The following DLC1 variants were observed in gnomAD, a reference collection of about 807,000 sequenced individuals.
DLC1 encodes DLC1 Rho GTPase activating protein.
DLC1 carries 54 observed loss-of-function variants against 140.3 expected under a neutral mutation model. That is an observed-to-expected ratio of 0.38 (90% CI 0.31 to 0.48). The LOEUF is 0.48. Ranked by LOEUF, DLC1 falls within the 20% of genes least tolerant of loss-of-function variation. The probability of loss-of-function intolerance (pLI) is 0.96; values close to 1 mark genes in which losing one functional copy is unlikely to be tolerated. For synonymous variants in DLC1, 986 were observed against 728.1 expected, an observed-to-expected ratio of 1.35 and a Z score of -5.70; for missense variants, 2,536 against 1,907.0, an observed-to-expected ratio of 1.33 and a Z score of -6.14.
At position 13,572,758 on chromosome 8, in the gene DLC1, C is replaced by T. The variant is rs115741710; in HGVS notation, c.-126+31779G>A. Among the ~76,000 whole-genome samples, 502 of 152,200 alleles carry T rather than the reference C, an allele frequency of 3.3e-3. 3 individuals are homozygous for T. The highest frequency in any genetic ancestry group is 0.011 in the African/African-American group (467 of 41,534). ...TCTGTTCTTTCCCCCATTGAATGGT[C>T]TTAGCACCCTTGTGAAAAATCAGTT... is the stretch of plus-strand genomic sequence containing the variant. On this transcript the variant is annotated intron_variant, in intron 1 of 1. Transcript: ENST00000631382.
intron 5 of DLC1, among the ~76,000 whole-genome samples, chr8:13,239,085 G>A (rs923952147): frequency 6.6e-6 from 1 of 152,188 alleles, no homozygotes; most frequent in African/African-American, 2.4e-5. Context: ...ATAAAAAGGA[G>A]ATTGGGTAAG....
In DLC1 at chr8:13,499,632, A is replaced by G; in HGVS notation, c.440T>C (p.Leu147Ser). 6.2e-7 allele frequency: 1 copy of G among 1,614,168 alleles called. No homozygotes were observed. The highest frequency in any genetic ancestry group is 8.5e-7 in the Non-Finnish European group (1 of 1,180,016). ...GQHMIQGAGSLEKALPIIQSN... is the reference protein window; with the variant it reads ...GQHMIQGAGSSEKALPIIQSN... ...TTGTATGATGGGCAGTGCCTTTTCT[A>G]AGGAGCCTGCTCCTTGGATCATATG... The change falls in exon 2 of 18, where the codon TTA (leucine) becomes TCA (serine). Residue 147 changes from leucine (L) to serine (S), a missense_variant. Coordinates refer to ENST00000276297, the MANE Select transcript of DLC1 (RefSeq NM_182643.3).
intron 5 of DLC1, among the ~76,000 whole-genome samples, chr8:13,285,782 C>T (rs1415574537): frequency 6.6e-6 from 1 of 152,086 alleles, no homozygotes; most frequent in African/African-American, 2.4e-5. Flanking sequence ...ATGAATTCCA[C>T]TCCTAGGAAT....
chr8:13,250,560 T>A (rs929010510), intron 5 of DLC1, among the ~76,000 whole-genome samples: 1 of 152,216 alleles, frequency 6.6e-6, no homozygotes, highest in African/African-American at 2.4e-5. Context: ...CATAGTTTCA[T>A]AAGACTGAGG....
intron 1 of DLC1, chr8:13,566,998 A>G (rs1366382896): frequency 8.4e-6 from 13 of 1,544,674 alleles, no homozygotes; most frequent in Admixed American, 5.9e-5. Context: ...TGTGATGGCC[A>G]TCTGCCCAGA....
intron 1 of DLC1, among the ~76,000 whole-genome samples, chr8:13,510,840 C>G (rs73210007): frequency 4.5e-4 from 68 of 152,158 alleles, no homozygotes; most frequent in African/African-American, 1.3e-3. Context: ...ACCTCTGGCC[C>G]CAGGCTCTGA....
chr8:13,339,153 A>G (rs147530763), intron 4 of DLC1, among the ~76,000 whole-genome samples: 5 of 152,240 alleles, frequency 3.3e-5, no homozygotes, highest in Admixed American at 3.3e-4. Context: ...AAACCAAACT[A>G]CTTTTGTCAT....
At chr8:13,162,489 A>G (rs11989725) in intron 5 of DLC1, among the ~76,000 whole-genome samples, 8,216 of 152,132 alleles carry the variant, frequency 0.054, 733 homozygotes, top group African/African-American at 0.19. Context: ...AACCCGGCTA[A>G]TTTTTATATT....
chr8:13,086,129 G>C, intron 17 of DLC1, 161 bp downstream of exon 17: 1 of 1,325,608 alleles, frequency 7.5e-7, no homozygotes, highest in Non-Finnish European at 1.0e-6. Context: ...AGTGGTCGCT[G>C]AAAGACCAAC....
At chr8:13,438,815 T>C (rs543006990) in intron 2 of DLC1, among the ~76,000 whole-genome samples, 1 of 152,260 alleles carries the variant, frequency 6.6e-6, no homozygotes, top group East Asian at 1.9e-4. Context: ...CTCCATCCAC[T>C]CTGATTCACT....
intron 5 of DLC1, among the ~76,000 whole-genome samples, chr8:13,143,385 T>C (rs962299833): frequency 1.2e-4 from 18 of 152,182 alleles, no homozygotes; most frequent in Non-Finnish European, 2.4e-4. Flanking sequence ...TTTTTGACTT[T>C]TAATAAACAA....
intron 5 of DLC1, among the ~76,000 whole-genome samples, chr8:13,295,096 G>A (rs922454487): frequency 7.9e-5 from 12 of 152,138 alleles, no homozygotes; most frequent in Non-Finnish European, 2.9e-5. Context: ...GGAAAATTTT[G>A]AGATAAATAT....
intron 4 of DLC1, among the ~76,000 whole-genome samples, chr8:13,381,970 C>G (rs1054570276): frequency 6.6e-6 from 1 of 152,084 alleles, no homozygotes; most frequent in Non-Finnish European, 1.5e-5. Context: ...GAAAGGACAT[C>G]AAACATACTG....
chr8:13,167,703 G>C (rs958948859), intron 5 of DLC1, among the ~76,000 whole-genome samples: 1 of 152,160 alleles, frequency 6.6e-6, no homozygotes, highest in African/African-American at 2.4e-5. Flanking sequence ...AATTCTCATT[G>C]GATCAGTCAC....
At position 13,100,311 on chromosome 8, in the gene DLC1, G is replaced by C. The variant is rs950850536; in HGVS notation, c.2026C>G (p.Leu676Val). ...SLLKRMESLK[L>V]KSSHHSKHKA... ...TGCTTGCTGTGATGGGAGCTCTTGA[G>C]CTTCAGGCTCTCCATCCGTTTCAGC... The change falls in exon 9 of 18, where the codon CTC becomes GTC. Residue 676 changes from leucine (L) to valine (V), a missense_variant. Leu to Val is a conservative substitution (Grantham distance 32). Coordinates refer to ENST00000276297, the MANE Select transcript of DLC1 (RefSeq NM_182643.3). 9.9e-6 allele frequency: 16 copies of C among 1,614,058 alleles called. No homozygotes were observed. The highest frequency in any genetic ancestry group is 1.3e-5 in the African/African-American group (1 of 74,942).
chr8:13,421,989 G>A lies in DLC1; in HGVS notation c.1024-20370C>T, dbSNP rs190897063. Among the ~76,000 whole-genome samples, 19 of 152,170 alleles carry A rather than the reference G, an allele frequency of 1.2e-4. No homozygotes were observed. In the East Asian group the frequency reaches 3.5e-3, roughly 28 times the overall value. ...AATGGTCATAGTTACTAATATTCGA[G>A]TCTTCTGTGGAGTTGACTTGTACCT... On this transcript the variant is annotated intron_variant, in intron 2 of 17. Coordinates refer to ENST00000276297, the MANE Select transcript of DLC1 (RefSeq NM_182643.3).
chr8:13,090,393 C>T lies in DLC1; in HGVS notation c.3933G>A (p.Gly1311=), dbSNP rs1396439400. 4 of 1,614,060 alleles carry T rather than the reference C, an allele frequency of 2.5e-6. No individual in the cohort carries two copies. The highest frequency in any genetic ancestry group is 3.4e-6 in the Non-Finnish European group (4 of 1,180,030). The change falls in exon 15 of 18, where the codon GGG becomes GGA. Residue 1311 remains glycine, a synonymous_variant. Transcript: ENST00000276297. ...ELKPLTLEAL[G]HLGNDDSADY... ...CAGCTGAGTCATCATTACCCAGGTG[C>T]CCGAGTGCTTCCAGAGTGAGGGGCT...
At chr8:13,331,794 C>T (rs543052054) in intron 4 of DLC1, among the ~76,000 whole-genome samples, 41 of 152,190 alleles carry the variant, frequency 2.7e-4, no homozygotes, top group African/African-American at 8.9e-4. Flanking sequence ...ATTTCAGAAG[C>T]ACAAAAATTT....
chr8:13,503,632 G>A (rs1801920803), intron 1 of DLC1, among the ~76,000 whole-genome samples: 1 of 152,192 alleles, frequency 6.6e-6, no homozygotes, highest in African/African-American at 2.4e-5. Flanking sequence ...TGCAGATGAA[G>A]TACCACTGGC....
Sources: gnomAD v4.1 joint callset for allele counts (sites outside exome capture counted in the v4.1 genomes callset) on GRCh38, gnomAD v4.1.1 for gene constraint, MANE v1.5 for transcripts, NCBI Gene and HGNC (gene_info 2026-07-23, HGNC 2026-07-21) for gene names.